The following EXOC3L2 variants were observed in gnomAD, a reference collection of about 807,000 sequenced individuals.
EXOC3L2 encodes the protein exocyst complex component 3 like 2, also known as exocyst complex component 3-like protein 2.
Under a neutral mutation model 44.4 loss-of-function variants are expected in EXOC3L2, and 17 were observed. That is an observed-to-expected ratio of 0.38 (90% CI 0.26 to 0.57). The LOEUF is 0.57. Among genes scored for constraint, EXOC3L2 ranks in the 20% least tolerant of loss-of-function variants. The probability of loss-of-function intolerance (pLI) is 0.65; values close to 1 mark genes in which losing one functional copy is unlikely to be tolerated. For missense variants in EXOC3L2, 541 were observed against 588.4 expected (o/e 0.92, Z 0.83); for synonymous variants, 256 against 253.7 (o/e 1.01, Z -0.09).
intron 8 of EXOC3L2, 36 bp from the exon 9 acceptor site, chr19:45,218,355 C>A: frequency 7.0e-7 from 1 of 1,418,708 alleles, no homozygotes; most frequent in South Asian, 1.3e-5. Context: ...CGCTCTCCTC[C>A]CTCCCACCCT....
intron 8 of EXOC3L2, among the ~76,000 whole-genome samples, chr19:45,221,700 T>A (rs1969900151): frequency 2.1e-5 from 3 of 144,314 alleles, no homozygotes; most frequent in African/African-American, 7.8e-5. Context: ...CAGGCTGGAG[T>A]GCTACGGTGT....
At position 45,238,490 on chromosome 19, in the gene EXOC3L2, T is replaced by A. The variant is rs1970102723; in HGVS notation, c.523+33A>T. 2.5e-6 allele frequency: 1 copy of A among 399,344 alleles called. No homozygotes were observed. The highest frequency in any genetic ancestry group is 4.4e-6 in the Non-Finnish European group (1 of 226,216). The allele number at this position is 399,344 out of a possible 1,614,324, so 24.7% of individuals were successfully genotyped here. A position where few individuals can be genotyped will look rare whatever the true frequency, so the allele number is the denominator to read the frequency against. On this transcript the variant is annotated intron_variant, in intron 2 of 11. Coordinates refer to ENST00000413988, the MANE Select transcript of EXOC3L2 (RefSeq NM_001382422.1). The surrounding 1 kb of genome is among the most constrained non-coding windows in gnomAD (Gnocchi z 5.5). ...TGGGGATGGACATGGGCACTGGGATTCTCCCAGGACAGGGTCAGGGCTCCG... is the reference window on the plus strand; with the variant it reads ...TGGGGATGGACATGGGCACTGGGATACTCCCAGGACAGGGTCAGGGCTCCG...
At chr19:45,213,536 A>G (rs1254304205) in intron 11 of EXOC3L2, among the ~76,000 whole-genome samples, 179 bp from the exon 12 acceptor site, 1 of 151,956 alleles carries the variant, frequency 6.6e-6, no homozygotes, top group Non-Finnish European at 1.5e-5. Context: ...CCCTCACCTC[A>G]TACCAGCTCC....
At chr19:45,244,158 C>A (rs966916620) in intron 1 of EXOC3L2, among the ~76,000 whole-genome samples, 1 of 150,558 alleles carries the variant, frequency 6.6e-6, no homozygotes, top group Non-Finnish European at 1.5e-5. Context: ...TGAGTTCAAG[C>A]GATCCACCTG....
At position 45,228,250 on chromosome 19, in the gene EXOC3L2, G is replaced by A; in HGVS notation, c.1286C>T (p.Ala429Val). Residue 429 changes from alanine (A) to valine (V), a missense_variant, in exon 5 of 12, where the codon GCC (alanine) becomes GTC (valine). By Grantham distance (64) the Ala-to-Val change is moderately conservative. Transcript: ENST00000413988. The stretch of plus-strand genomic sequence containing the variant: ...GTCCTCCTGCAGCACACGGAGAAGG[G>A]CAGCCCGGGTCTGAGCCTACAGTAG... ...VTDVKAQTRAALLRVLQEDEE... is the reference protein window; with the variant it reads ...VTDVKAQTRAVLLRVLQEDEE... 4 of 1,614,038 alleles carry A rather than the reference G, an allele frequency of 2.5e-6. No individual in the cohort carries two copies. The highest frequency in any genetic ancestry group is 3.4e-6 in the Non-Finnish European group (4 of 1,180,008).
At chr19:45,239,303 C>T (rs1449297240) in intron 1 of EXOC3L2, among the ~76,000 whole-genome samples, 1 of 149,702 alleles carries the variant, frequency 6.7e-6, no homozygotes, top group Non-Finnish European at 1.5e-5. Context: ...CTGCAAGCTC[C>T]GCCTCCCGGG....
chr19:45,235,615 T>C (rs1470789248), intron 2 of EXOC3L2, among the ~76,000 whole-genome samples: 1 of 152,162 alleles, frequency 6.6e-6, no homozygotes, highest in Non-Finnish European at 1.5e-5. Context: ...GGAAGGCCTC[T>C]GAGGCTGAAG....
intron 7 of EXOC3L2, among the ~76,000 whole-genome samples, chr19:45,225,171 TG>T (rs1323044904): frequency 1.2e-5 from 1 of 81,314 alleles, no homozygotes; most frequent in Non-Finnish European, 2.6e-5. Context: ...TAGGGTATAT[TG>T]GGGGAGGGAA....
At chr19:45,237,512 A>G (rs1407610631) in intron 2 of EXOC3L2, among the ~76,000 whole-genome samples, 1 of 152,062 alleles carries the variant, frequency 6.6e-6, no homozygotes, top group Non-Finnish European at 1.5e-5. Context: ...TGTCTCCAAA[A>G]CTAGATGGCA....
At chr19:45,225,394 G>A (rs1010472970) in intron 7 of EXOC3L2, among the ~76,000 whole-genome samples, 1 of 150,796 alleles carries the variant, frequency 6.6e-6, no homozygotes, top group Non-Finnish European at 1.5e-5. Context: ...TCGGCCTTCC[G>A]AGTAGCTGGG....
At chr19:45,237,513 C>T (rs17356664) in intron 2 of EXOC3L2, among the ~76,000 whole-genome samples, 41,502 of 151,852 alleles carry the variant, frequency 0.27, 6,021 homozygotes, top group South Asian at 0.37. Flanking sequence ...GTCTCCAAAA[C>T]TAGATGGCAT....
At position 45,216,099 on chromosome 19, in the gene EXOC3L2, C is replaced by T; in HGVS notation, c.2094G>A (p.Val698=). The T allele has an allele frequency of 6.2e-7, 1 of 1,613,936 alleles. No homozygotes were observed. Among genetic ancestry groups the T allele is most frequent in the East Asian group, 2.2e-5 (1 of 44,874 alleles). Residue 698 remains valine (V), a synonymous_variant, in exon 11 of 12, where the codon GTG becomes GTA. Transcript: ENST00000413988. ...DTPSIQVEVG[V]LVRDYPDIRQ... is the part of the protein sequence containing the mutation. ...TGATGTCTGGGTAGTCGCGCACCAACACTCCCACCTCCACCTGGATGCTGG... is the reference window on the plus strand; with the variant it reads ...TGATGTCTGGGTAGTCGCGCACCAATACTCCCACCTCCACCTGGATGCTGG...
chr19:45,222,229 T>A (rs1315510004), intron 8 of EXOC3L2, among the ~76,000 whole-genome samples: 1 of 148,258 alleles, frequency 6.7e-6, no homozygotes, highest in African/African-American at 2.5e-5. Context: ...AGACGGAGTC[T>A]CACTCTGTCG....
intron 11 of EXOC3L2, among the ~76,000 whole-genome samples, chr19:45,214,585 C>T (rs750778061): frequency 1.3e-5 from 2 of 152,134 alleles, no homozygotes; most frequent in African/African-American, 2.4e-5. Flanking sequence ...CTGCCTCAGC[C>T]TCCCGAGTAG....
chr19:45,235,614 C>G (rs913893564), intron 2 of EXOC3L2, among the ~76,000 whole-genome samples: 5 of 152,142 alleles, frequency 3.3e-5, no homozygotes, highest in African/African-American at 1.2e-4. Flanking sequence ...TGGAAGGCCT[C>G]TGAGGCTGAA....
chr19:45,224,389 C>A (rs2122968057), intron 8 of EXOC3L2, among the ~76,000 whole-genome samples: 1 of 152,046 alleles, frequency 6.6e-6, no homozygotes, highest in East Asian at 1.9e-4. Context: ...ACTCCCCCTG[C>A]AGTCTCTCTC....
chr19:45,227,896 C>T, intron 6 of EXOC3L2, 78 bp downstream of exon 6: 1 of 1,510,482 alleles, frequency 6.6e-7, no homozygotes, highest in South Asian at 1.2e-5. Flanking sequence ...TCCCTCTCAT[C>T]TCTCCTCTCT....
intron 11 of EXOC3L2, among the ~76,000 whole-genome samples, chr19:45,214,655 G>C (rs569363681): frequency 6.6e-6 from 1 of 151,894 alleles, no homozygotes; most frequent in Admixed American, 6.6e-5. Context: ...AGTAGAGACG[G>C]TGTTTCACCA....
chr19:45,239,517 CT>C (rs879825711), intron 1 of EXOC3L2, among the ~76,000 whole-genome samples: 220 of 133,990 alleles, frequency 1.6e-3, no homozygotes, highest in African/African-American at 3.6e-3. Context: ...CGCCTTGCCT[CT>C]TTTTTTTTTT....
Sources: gnomAD v4.1 joint callset for allele counts (sites outside exome capture counted in the v4.1 genomes callset) on GRCh38, gnomAD v4.1.1 for gene constraint, Gnocchi (gnomAD v3.1) non-coding constraint, MANE v1.5 for transcripts, NCBI Gene and HGNC (gene_info 2026-07-23, HGNC 2026-07-21) for gene names.